Variants in HDAC9 observed in about 807,000 individuals in gnomAD.
HDAC9 encodes MEF-2 interacting transcription repressor (MITR) protein.
HDAC9 carries 41 observed loss-of-function variants against 139.4 expected under a neutral mutation model. That is an observed-to-expected ratio of 0.29 (90% CI 0.23 to 0.38). The LOEUF is 0.38. HDAC9 is among the 10% of genes least tolerant of loss of function. The pLI is 1.00. For missense variants in HDAC9, 1,147 were observed against 1,297.0 expected (o/e 0.88, Z 1.78); for synonymous variants, 517 against 476.2 (o/e 1.09, Z -1.12).
chr7:18,861,702 T>C (rs1798123377), intron 21 of HDAC9, among the ~76,000 whole-genome samples: 1 of 152,152 alleles, frequency 6.6e-6, no homozygotes, highest in Non-Finnish European at 1.5e-5. Flanking sequence ...GGAAAGTCCC[T>C]CATTGCCTTC....
intron 25 of HDAC9, among the ~76,000 whole-genome samples, chr7:18,987,074 A>G (rs1342271653): frequency 2.0e-5 from 3 of 152,020 alleles, no homozygotes; most frequent in South Asian, 2.1e-4. Flanking sequence ...TCTCCTGCCT[A>G]ATTGCCCTGG....
At chr7:18,313,003 C>T (rs748223532) in intron 1 of HDAC9, among the ~76,000 whole-genome samples, 1 of 152,002 alleles carries the variant, frequency 6.6e-6, no homozygotes, top group African/African-American at 2.4e-5. Flanking sequence ...TCCTATAATT[C>T]GTAGAGATTT....
At chr7:18,326,385 A>C (rs1800446736) in intron 1 of HDAC9, among the ~76,000 whole-genome samples, 2 of 152,090 alleles carry the variant, frequency 1.3e-5, no homozygotes, top group South Asian at 4.1e-4. Flanking sequence ...AATTGTTTGA[A>C]AGAAGTAGAT....
chr7:18,799,426 CAAT>C (rs1793100816), intron 17 of HDAC9, among the ~76,000 whole-genome samples: 1 of 152,068 alleles, frequency 6.6e-6, no homozygotes, highest in African/African-American at 2.4e-5. Flanking sequence ...ACAAATCAGT[CAAT>C]AATAACTGTC....
At chr7:18,621,103 T>A (rs142615424) in intron 6 of HDAC9, among the ~76,000 whole-genome samples, 1,629 of 152,198 alleles carry the variant, frequency 0.011, 37 homozygotes, top group African/African-American at 0.037. Context: ...AATGTATTTT[T>A]AAAAGAATAT....
chr7:18,721,686 A>C (rs1562882130), intron 12 of HDAC9, among the ~76,000 whole-genome samples: 1 of 152,244 alleles, frequency 6.6e-6, no homozygotes, highest in Non-Finnish European at 1.5e-5. Context: ...GTGAAAACCC[A>C]GAAGCTATAC....
chr7:18,979,620 T>C (rs749693043), intron 25 of HDAC9, among the ~76,000 whole-genome samples: 2 of 152,192 alleles, frequency 1.3e-5, no homozygotes, highest in Non-Finnish European at 1.5e-5. Flanking sequence ...GAGATTTAAT[T>C]AGCTCACAGT....
chr7:18,805,914 A>G (rs1793666316), intron 17 of HDAC9, among the ~76,000 whole-genome samples: 1 of 152,232 alleles, frequency 6.6e-6, no homozygotes, highest in African/African-American at 2.4e-5. Context: ...AATATAAACT[A>G]TAAATTATAT....
intron 1 of HDAC9, among the ~76,000 whole-genome samples, chr7:18,329,516 A>G (rs1335067834): frequency 6.6e-6 from 1 of 151,594 alleles, no homozygotes; most frequent in Non-Finnish European, 1.5e-5. Flanking sequence ...AGTGAATGGA[A>G]TAATTGTCGA....
rs56690120 is a variant in HDAC9 at position 18,207,539 on chromosome 7, C to CTTTTTTTT, written c.25+45201_25+45208dup. 2.4e-3 allele frequency among the ~76,000 whole-genome samples: 128 copies of CTTTTTTTT among 53,724 alleles called. 19 individuals are homozygous for CTTTTTTTT. The highest frequency in any genetic ancestry group is 8.8e-3 in the African/African-American group (112 of 12,772). 35.2% of individuals were successfully genotyped at this position (53,724 alleles called of 152,430 possible). ...CTCTCACCTCATCTGCCCAAGGAGTCTTTTTTTTTTTTTTTTTTGATTTGA... is the reference window on the plus strand; with the variant it reads ...CTCTCACCTCATCTGCCCAAGGAGTCTTTTTTTTTTTTTTTTTTTTTTTTTTGATTTGA... On this transcript the variant is annotated intron_variant, in intron 2 of 12. Transcript: ENST00000417496.
intron 11 of HDAC9, among the ~76,000 whole-genome samples, chr7:18,663,740 G>A (rs1793940890): frequency 6.6e-6 from 1 of 152,126 alleles, no homozygotes. Flanking sequence ...ACAGCTCAGT[G>A]AGCATTTGTC....
chr7:18,709,151 T>G (rs1352318356), intron 12 of HDAC9, among the ~76,000 whole-genome samples: 1 of 152,122 alleles, frequency 6.6e-6, no homozygotes, highest in Admixed American at 6.6e-5. Context: ...CCATGGTGAT[T>G]TGCTTCACCT....
intron 2 of HDAC9, among the ~76,000 whole-genome samples, chr7:18,507,357 G>GT (rs902894000): frequency 9.4e-5 from 14 of 149,576 alleles, no homozygotes; most frequent in South Asian, 2.1e-4. Flanking sequence ...CGCCCGGCTA[G>GT]TTTTTTTTTG....
intron 1 of HDAC9, among the ~76,000 whole-genome samples, chr7:18,290,938 T>G (rs1227946875): frequency 6.6e-6 from 1 of 152,176 alleles, no homozygotes; most frequent in Admixed American, 6.6e-5. Flanking sequence ...TTGAAAATGT[T>G]TGTTGCTTTT....
At chr7:18,106,700 T>C (rs1783229154) in intron 1 of HDAC9, among the ~76,000 whole-genome samples, 1 of 152,170 alleles carries the variant, frequency 6.6e-6, no homozygotes, top group Non-Finnish European at 1.5e-5. Context: ...ATGATCTGCC[T>C]GCTGCAGCCT....
At chr7:18,512,563 T>C (rs1050173050) in intron 2 of HDAC9, among the ~76,000 whole-genome samples, 1 of 152,214 alleles carries the variant, frequency 6.6e-6, no homozygotes, top group Admixed American at 6.5e-5. Context: ...AATCTACATA[T>C]CTCTTTGTTT....
intron 22 of HDAC9, among the ~76,000 whole-genome samples, chr7:18,932,839 G>GAAA (rs1804874566): frequency 5.5e-5 from 2 of 36,588 alleles, no homozygotes; most frequent in African/African-American, 9.2e-5. Flanking sequence ...AAGGAAGGAA[G>GAAA]GAAGGAAAAA....
In HDAC9 at chr7:18,275,964, C is replaced by T. The variant is rs138030933; in HGVS notation, c.25+113615C>T. On this transcript the variant is annotated intron_variant, in intron 2 of 12. Transcript: ENST00000417496. ...GTCTGTCTTATCCACAGGCATATCC[C>T]CAGCACCTTGAAGAGTACAGGTATA... Among the ~76,000 whole-genome samples, 36 of 152,084 alleles carry T rather than the reference C, an allele frequency of 2.4e-4. No individual in the cohort carries two copies. In the East Asian group the frequency reaches 5.4e-3, roughly 23 times the overall value.
At chr7:18,137,426 T>A (rs1178366) in intron 1 of HDAC9, among the ~76,000 whole-genome samples, 64,910 of 147,904 alleles carry the variant, frequency 0.44, 17,148 homozygotes, top group African/African-American at 0.74. Context: ...ATTCAGTATG[T>A]TATTGGCTGT....
Sources: allele counts gnomAD v4.1 joint callset (sites outside exome capture counted in the v4.1 genomes callset), GRCh38; gene constraint gnomAD v4.1.1; transcripts MANE v1.5; gene names NCBI Gene and HGNC (gene_info 2026-07-23, HGNC 2026-07-21).